The following NRXN3 variants were observed in gnomAD, a reference collection of about 807,000 sequenced individuals.
NRXN3 encodes neurexin 3.
NRXN3 carries 32 observed loss-of-function variants against 137.6 expected under a neutral mutation model. That is an observed-to-expected ratio of 0.23 (90% CI 0.18 to 0.31). NRXN3 has a LOEUF of 0.31. Ranked by LOEUF, NRXN3 falls within the 10% of genes least tolerant of loss-of-function variation. NRXN3 has a pLI of 1.00. For missense variants in NRXN3, 1,574 were observed against 2,062.5 expected (o/e 0.76, Z 4.59); for synonymous variants, 798 against 784.5 (o/e 1.02, Z -0.29).
intron 10 of NRXN3, among the ~76,000 whole-genome samples, chr14:78,842,006 A>T (rs2099013817): frequency 6.6e-6 from 1 of 152,124 alleles, no homozygotes; most frequent in Non-Finnish European, 1.5e-5. Context: ...GACACACAGA[A>T]AGTACTACCA....
At chr14:79,346,768 C>T (rs2092908663) in intron 15 of NRXN3, among the ~76,000 whole-genome samples, 1 of 152,118 alleles carries the variant, frequency 6.6e-6, no homozygotes, top group Non-Finnish European at 1.5e-5. Flanking sequence ...CATCTCGCCT[C>T]AGTGAAGAGA....
At chr14:79,757,539 C>T (rs751162906) in intron 19 of NRXN3, among the ~76,000 whole-genome samples, 1 of 152,126 alleles carries the variant, frequency 6.6e-6, no homozygotes, top group Non-Finnish European at 1.5e-5. Context: ...TTTTTCTCCT[C>T]CTGTTTTAAT....
chr14:78,795,911 A>G (rs1467086777), intron 8 of NRXN3, among the ~76,000 whole-genome samples: 1 of 152,216 alleles, frequency 6.6e-6, no homozygotes, highest in African/African-American at 2.4e-5. Context: ...GAGAGGTGTG[A>G]TATTTAAACT....
At chr14:79,627,212 T>C (rs1603252961) in intron 16 of NRXN3, among the ~76,000 whole-genome samples, 1 of 152,226 alleles carries the variant, frequency 6.6e-6, no homozygotes, top group Admixed American at 6.5e-5. Context: ...AAAGTGTTTA[T>C]GGCAGTTCTG....
At chr14:79,711,568 C>T (rs542078834) in intron 19 of NRXN3, among the ~76,000 whole-genome samples, 15 of 152,142 alleles carry the variant, frequency 9.9e-5, no homozygotes, top group African/African-American at 3.4e-4. Context: ...GATCCTCCTG[C>T]GTTGGAGTGC....
chr14:79,529,139 G>A (rs2097147718), intron 16 of NRXN3, among the ~76,000 whole-genome samples: 1 of 152,102 alleles, frequency 6.6e-6, no homozygotes, highest in African/African-American at 2.4e-5. Flanking sequence ...CAAAATCCGA[G>A]CTCTCTGAGT....
intron 10 of NRXN3, among the ~76,000 whole-genome samples, chr14:78,841,508 G>A (rs2099012430): frequency 6.6e-6 from 1 of 152,088 alleles, no homozygotes; most frequent in East Asian, 1.9e-4. Flanking sequence ...GTAGGTGAAG[G>A]ATTCTTTAAG....
intron 1 of NRXN3, among the ~76,000 whole-genome samples, chr14:78,206,492 A>G (rs143388385): frequency 2.0e-4 from 31 of 152,228 alleles, no homozygotes; most frequent in Admixed American, 1.2e-3. Context: ...TTGTGCCCTG[A>G]GAAGAATGCT....
intron 16 of NRXN3, among the ~76,000 whole-genome samples, chr14:79,548,657 G>A (rs993202477): frequency 1.3e-5 from 2 of 151,104 alleles, no homozygotes; most frequent in Non-Finnish European, 2.9e-5. Context: ...CTACCAAGCC[G>A]CAAATTTCTG....
chr14:79,018,274 AAAAAAAAAAAAAAAAAAAAAAAG>A lies in NRXN3; in HGVS notation c.3262+30135_3262+30157del, dbSNP rs1253744583. On this transcript the variant is annotated intron_variant, in intron 15 of 20. Coordinates refer to ENST00000335750, the MANE Select transcript of NRXN3 (RefSeq NM_001330195.2). The stretch of plus-strand genomic sequence containing the variant: ...AAACTCTGTCTCAAAAAAAAAAAAA[AAAAAAAAAAAAAAAAAAAAAAAG>A]AGAGAGAGCAAGAAGAGTGAAAGTT... Among the ~76,000 whole-genome samples the A allele has an allele frequency of 5.6e-3, 322 of 57,854 alleles. 8 individuals carry two copies. The highest frequency in any genetic ancestry group is 0.023 in the Middle Eastern group (3 of 132). 38.0% of individuals were successfully genotyped at this position (57,854 alleles called of 152,430 possible). A position where few individuals can be genotyped will look rare whatever the true frequency, so the allele number is the denominator to read the frequency against.
chr14:78,518,861 G>A (rs2096248775), intron 4 of NRXN3, among the ~76,000 whole-genome samples: 1 of 151,816 alleles, frequency 6.6e-6, no homozygotes, highest in African/African-American at 2.4e-5. Flanking sequence ...GTGAAGATAA[G>A]GCCTGTGATG....
intron 8 of NRXN3, among the ~76,000 whole-genome samples, chr14:78,774,420 G>T (rs1041761700): frequency 2.6e-5 from 4 of 151,866 alleles, no homozygotes; most frequent in African/African-American, 7.3e-5. Context: ...TAGTTTGAGG[G>T]GTACCATGAT....
chr14:78,178,584 A>G (rs2059487108), intron 1 of NRXN3, among the ~76,000 whole-genome samples: 1 of 152,188 alleles, frequency 6.6e-6, no homozygotes, highest in Non-Finnish European at 1.5e-5. Context: ...TGCATGGGAC[A>G]GCCACACTCC....
chr14:79,199,502 T>C (rs771889908), intron 15 of NRXN3, among the ~76,000 whole-genome samples: 1 of 152,132 alleles, frequency 6.6e-6, no homozygotes, highest in Admixed American at 6.5e-5. Flanking sequence ...GGAGAAGATA[T>C]AAAGATTACC....
At chr14:79,547,129 C>T (rs891132233) in intron 16 of NRXN3, among the ~76,000 whole-genome samples, 7 of 152,234 alleles carry the variant, frequency 4.6e-5, no homozygotes, top group Admixed American at 2.6e-4. Context: ...TATGTCCATG[C>T]CCACTTCCCC....
Position 78,617,175 on chromosome 14 carries a change from T to C in NRXN3, c.758-27945T>C, listed in dbSNP as rs534409632. Among the ~76,000 whole-genome samples the C allele has an allele frequency of 1.8e-4, 27 of 152,302 alleles. No individual in the cohort carries two copies. In the East Asian group the frequency reaches 5.0e-3, roughly 28 times the overall value. Reference sequence around the variant, plus strand: ...CCATCAGGATGAAGGCTATGATTAATACACATAATTGCTACAAATGGCAGC... The same window carrying C: ...CCATCAGGATGAAGGCTATGATTAACACACATAATTGCTACAAATGGCAGC... On this transcript the variant is annotated intron_variant, in intron 4 of 20. Coordinates refer to ENST00000335750, the MANE Select transcript of NRXN3 (RefSeq NM_001330195.2).
At chr14:79,119,365 T>C (rs953985168) in intron 15 of NRXN3, among the ~76,000 whole-genome samples, 1 of 152,188 alleles carries the variant, frequency 6.6e-6, no homozygotes, top group Non-Finnish European at 1.5e-5. Context: ...TTTAAATCAT[T>C]AAATTTATTT....
chr14:78,362,303 A>ATT lies in NRXN3; in HGVS notation c.757+64453_757+64454dup, dbSNP rs71131642. 4.7e-3 allele frequency among the ~76,000 whole-genome samples: 511 copies of ATT among 109,444 alleles called. 7 individuals carry two copies. Among genetic ancestry groups the ATT allele is most frequent in the African/African-American group, 0.014 (398 of 27,756 alleles). 71.8% of individuals were successfully genotyped at this position (109,444 alleles called of 152,430 possible). A position where few individuals can be genotyped will look rare whatever the true frequency, so the allele number is the denominator to read the frequency against. The stretch of plus-strand genomic sequence containing the variant: ...TTTCAGATTCCTCCTTTTGAAACAC[A>ATT]TTTTTTTTTTTCAACTGGGGTTAGG... On this transcript the variant is annotated intron_variant, in intron 4 of 20. Transcript: ENST00000335750.
At chr14:79,395,491 G>A (rs1021603229) in intron 15 of NRXN3, among the ~76,000 whole-genome samples, 2 of 152,082 alleles carry the variant, frequency 1.3e-5, no homozygotes, top group Non-Finnish European at 2.9e-5. Flanking sequence ...TGCATATGTG[G>A]AGTGTGTGTG....
Sources: allele counts gnomAD v4.1 joint callset (sites outside exome capture counted in the v4.1 genomes callset), GRCh38; gene constraint gnomAD v4.1.1; transcripts MANE v1.5; gene names NCBI Gene and HGNC (gene_info 2026-07-23, HGNC 2026-07-21).